EZH2: variants seen among roughly 807,000 people sequenced by gnomAD.
EZH2 encodes histone-lysine N-methyltransferase EZH2.
In EZH2, 18 loss-of-function variants were observed where a neutral mutation model predicts 98.4. That is an observed-to-expected ratio of 0.18 (90% CI 0.13 to 0.27). The LOEUF (loss-of-function observed/expected upper bound fraction) is 0.27. Ranked by LOEUF, EZH2 falls within the 10% of genes least tolerant of loss-of-function variation. The pLI is 1.00. For missense variants in EZH2, 470 were observed against 935.1 expected (o/e 0.50, Z 6.49); for synonymous variants, 338 against 312.3 (o/e 1.08, Z -0.87).
At chr7:148,875,021 C>T (rs1819987361) in intron 1 of EZH2, among the ~76,000 whole-genome samples, 1 of 151,836 alleles carries the variant, frequency 6.6e-6, no homozygotes, top group African/African-American at 2.4e-5. Flanking sequence ...CTCATTTATC[C>T]TTTGAAGAAA....
At chr7:148,843,612 T>C (rs1427016265) in intron 3 of EZH2, among the ~76,000 whole-genome samples, 6 of 52,668 alleles carry the variant, frequency 1.1e-4, no homozygotes, top group Admixed American at 4.5e-4. Flanking sequence ...TTTTTTTTTT[T>C]TGAGACAGCG....
At chr7:148,859,379 A>ACTACCGGCACAG (rs1413737423) in intron 1 of EZH2, among the ~76,000 whole-genome samples, 7 of 152,012 alleles carry the variant, frequency 4.6e-5, no homozygotes, top group African/African-American at 1.7e-4. Flanking sequence ...GGTGGCACAC[A>ACTACCGGCACAG]CCTGTAGTCC....
intron 19 of EZH2, among the ~76,000 whole-genome samples, chr7:148,808,423 G>A (rs929317085): frequency 3.9e-5 from 6 of 152,206 alleles, no homozygotes; most frequent in African/African-American, 1.4e-4. Context: ...GGGGCTACAG[G>A]AGTTCATTAA....
chr7:148,813,827 T>C (rs1803836824), intron 15 of EZH2, 132 bp downstream of exon 15: 1 of 926,410 alleles, frequency 1.1e-6, no homozygotes, highest in Non-Finnish European at 1.6e-6. Context: ...TTATGAACAC[T>C]TTCTCATCAG....
At chr7:148,871,403 T>TAAAAAAAAAAAAAAAAAAAAAAAA (rs71529646) in intron 1 of EZH2, among the ~76,000 whole-genome samples, 2 of 88,728 alleles carry the variant, frequency 2.3e-5, no homozygotes, top group Non-Finnish European at 4.3e-5. Flanking sequence ...GACGAATAAT[T>TAAAAAAAAAAAAAAAAAAAAAAAA]AAAAAAAAAA....
At chr7:148,865,657 G>A (rs368315813) in intron 1 of EZH2, among the ~76,000 whole-genome samples, 16 of 152,198 alleles carry the variant, frequency 1.1e-4, no homozygotes, top group African/African-American at 3.6e-4. Context: ...GTACTGGTTT[G>A]TGGTAAGGCA....
At chr7:148,816,812 C>G (rs752231346) in intron 11 of EZH2, 34 bp from the exon 12 acceptor site, 1 of 1,531,714 alleles carries the variant, frequency 6.5e-7, no homozygotes, top group East Asian at 2.2e-5. Flanking sequence ...GCCATGAGGA[C>G]AGTCTTATTT....
At chr7:148,810,079 C>G (rs575263860) in intron 17 of EZH2, 25 of 373,380 alleles carry the variant, frequency 6.7e-5, no homozygotes, top group African/African-American at 4.9e-4. Flanking sequence ...GTCCCCTTCA[C>G]AGCCAGATGC....
chr7:148,828,078 A>G (rs561952553), intron 6 of EZH2, among the ~76,000 whole-genome samples: 21 of 152,356 alleles, frequency 1.4e-4, no homozygotes, highest in African/African-American at 5.1e-4. Flanking sequence ...AGATGGGGCC[A>G]CTGTACTCTA....
Position 148,828,272 on chromosome 7 carries a change from T to C in EZH2, c.625+468A>G, listed in dbSNP as rs549290450. Among the ~76,000 whole-genome samples, 3 of 152,268 alleles carry C rather than the reference T, an allele frequency of 2.0e-5. No homozygotes were observed. In the East Asian group the frequency reaches 5.8e-4, roughly 29 times the overall value. On this transcript the variant is annotated intron_variant, in intron 6 of 19. Transcript: ENST00000320356. ...GATGCCCAGTGAAGCACACAAAAAA[T>C]TACGTTCTTTGCTAGCCAAAGGAAA...
rs540569100 is a variant in EZH2, at chr7:148,869,952, G to A, written c.-8+14212C>T. On this transcript the variant is annotated intron_variant, in intron 1 of 19. Transcript: ENST00000320356. ...AAATATCTTCTTGGTCTGGCATGATGGCTCATGCCTGTAATCCCTGCACTC... is the reference window on the plus strand; with the variant it reads ...AAATATCTTCTTGGTCTGGCATGATAGCTCATGCCTGTAATCCCTGCACTC... 2.6e-4 allele frequency among the ~76,000 whole-genome samples: 39 copies of A among 152,294 alleles called. No individual in the cohort carries two copies. In the South Asian group the frequency reaches 6.9e-3, roughly 27 times the overall value.
chr7:148,851,692 C>T (rs1301788755), intron 1 of EZH2, among the ~76,000 whole-genome samples: 1 of 152,050 alleles, frequency 6.6e-6, no homozygotes, highest in Non-Finnish European at 1.5e-5. Flanking sequence ...AGTGAGACTC[C>T]CATCTCAAAT....
chr7:148,811,984 G>A (rs189825035), intron 15 of EZH2, among the ~76,000 whole-genome samples: 4 of 152,258 alleles, frequency 2.6e-5, no homozygotes, highest in East Asian at 1.9e-4. Flanking sequence ...AATGACCATC[G>A]TTCAGCAAGG....
intron 11 of EZH2, 142 bp from the exon 12 acceptor site, chr7:148,816,920 T>C: frequency 1.5e-6 from 1 of 649,514 alleles, no homozygotes; most frequent in Non-Finnish European, 2.7e-6. Context: ...TCGCTGTCCC[T>C]ACCCTCACAT....
chr7:148,816,688 G>A lies in EZH2; in HGVS notation c.1501C>T (p.His501Tyr), dbSNP rs746001943. The change falls in exon 12 of 20, where the codon CAC (histidine) becomes TAC (tyrosine). Residue 501 changes from histidine to tyrosine, a missense_variant. Around this residue, in one of 6 missense-constraint regions of EZH2, gnomAD observed 106 missense variants for 327.2 expected, o/e 0.32. Transcript: ENST00000320356. Reference sequence around the variant, plus strand: ...GGAGCTTCATGACAGACTCACCGGTGTTTCCTCTTCTTTTTCCTTGGAGGA... The same window carrying A: ...GGAGCTTCATGACAGACTCACCGGTATTTCCTCTTCTTTTTCCTTGGAGGA... ...DTPPRKKKRK[H>Y]RLWAAHCRKI... 1 of 1,613,254 alleles carries A rather than the reference G, an allele frequency of 6.2e-7. No individual in the cohort carries two copies. The highest frequency in any genetic ancestry group is 1.1e-5 in the South Asian group (1 of 91,076).
At chr7:148,866,984 G>C (rs1818646099) in intron 1 of EZH2, among the ~76,000 whole-genome samples, 1 of 150,104 alleles carries the variant, frequency 6.7e-6, no homozygotes, top group Non-Finnish European at 1.5e-5. Context: ...AAAGTGCTGG[G>C]ATTACAGACG....
Position 148,826,460 on chromosome 7 carries a change from T to C in EZH2, c.901A>G (p.Asn301Asp). ...KYDCFLHRKC[N>D]YSFHATPNTY... Reference sequence around the variant, plus strand: ...ATAGAAAATGAAAACGTACAATAATTGCACTTACGATGTAGGAAGCAGTCA... The same window carrying C: ...ATAGAAAATGAAAACGTACAATAATCGCACTTACGATGTAGGAAGCAGTCA... Residue 301 changes from asparagine (N) to aspartate (D), a missense_variant, in exon 8 of 20, where the codon AAT (asparagine) becomes GAT (aspartate). Transcript: ENST00000320356. The C allele has an allele frequency of 6.4e-7, 1 of 1,574,414 alleles. No individual in the cohort carries two copies. Among genetic ancestry groups the C allele is most frequent in the South Asian group, 1.2e-5 (1 of 83,706 alleles).
At chr7:148,854,834 T>A (rs548468443) in intron 1 of EZH2, among the ~76,000 whole-genome samples, 10 of 152,262 alleles carry the variant, frequency 6.6e-5, no homozygotes, top group Non-Finnish European at 1.5e-4. Context: ...ATTTTTAATG[T>A]TACAATCCAT....
intron 3 of EZH2, among the ~76,000 whole-genome samples, chr7:148,836,410 G>A (rs964701464): frequency 6.6e-6 from 1 of 152,068 alleles, no homozygotes; most frequent in Admixed American, 6.6e-5. Context: ...GAAAACAAAC[G>A]TGGGATTCTT....
Sources: gnomAD v4.1 joint callset for allele counts (sites outside exome capture counted in the v4.1 genomes callset) on GRCh38, gnomAD v4.1.1 for gene constraint, gnomAD v4.1.1 regional missense constraint, MANE v1.5 for transcripts, NCBI Gene and HGNC (gene_info 2026-07-23, HGNC 2026-07-21) for gene names.